LOXL2: variants seen among roughly 807,000 people sequenced by gnomAD.
LOXL2 encodes the protein lysyl oxidase like 2.
A neutral mutation model predicts 93.0 loss-of-function variants in LOXL2; 70 were observed. That is an observed-to-expected ratio of 0.75 (90% CI 0.62 to 0.92). The LOEUF (loss-of-function observed/expected upper bound fraction) is 0.92. LOXL2 is among the 40% of genes least tolerant of loss of function. The probability of loss-of-function intolerance (pLI) is 0.00; values close to 1 mark genes in which losing one functional copy is unlikely to be tolerated. For missense variants in LOXL2, 973 were observed against 1,054.9 expected, an observed-to-expected ratio of 0.92 and a Z score of 1.08; for synonymous variants, 438 against 413.2, an observed-to-expected ratio of 1.06 and a Z score of -0.73.
intron 3 of LOXL2, among the ~76,000 whole-genome samples, chr8:23,359,235 T>C (rs1804248668): frequency 6.6e-6 from 1 of 152,174 alleles, no homozygotes; most frequent in African/African-American, 2.4e-5. Flanking sequence ...CCAGCAACCC[T>C]ACCTGGTGTC....
At position 23,328,376 on chromosome 8, in the gene LOXL2, C is replaced by A. The variant is rs765975190; in HGVS notation, c.1150+6G>T. The A allele has an allele frequency of 6.2e-7, 1 of 1,613,778 alleles. No individual in the cohort carries two copies. The highest frequency in any genetic ancestry group is 1.1e-5 in the South Asian group (1 of 91,060). On this transcript the variant is annotated splice_donor_region_variant and intron_variant, in intron 6 of 13. Coordinates refer to ENST00000389131, the MANE Select transcript of LOXL2 (RefSeq NM_002318.3). ...AGAGGCCCCCTCTAGCCTCCCCATT[C>A]CTTACCTTGCCCCAGTCGGGAGCCA... is the stretch of plus-strand genomic sequence containing the variant.
chr8:23,323,211 A>G (rs9792290), intron 6 of LOXL2, among the ~76,000 whole-genome samples: 110,222 of 152,148 alleles, frequency 0.72, 40,098 homozygotes, highest in Non-Finnish European at 0.76. Flanking sequence ...AAGGACTAGC[A>G]TGGAAAGGCT....
rs753319524 is a variant in LOXL2 at position 23,368,171 on chromosome 8, C to T, written c.181G>A (p.Ala61Thr). Reference sequence around the variant, plus strand: ...TCGCTGTGCTTCCTCTTCTGCCCAGCCAGGCGCAGCTGAATCTTGGCCACG... The same window carrying T: ...TCGCTGTGCTTCCTCTTCTGCCCAGTCAGGCGCAGCTGAATCTTGGCCACG... ...ANVAKIQLRL[A>T]GQKRKHSEGR... Residue 61 changes from alanine (A) to threonine (T), a missense_variant, in exon 2 of 14, where the codon GCT becomes ACT. Ala to Thr is a moderately conservative substitution (Grantham distance 58). Coordinates refer to ENST00000389131, the MANE Select transcript of LOXL2 (RefSeq NM_002318.3). 36 of 1,613,988 alleles carry T rather than the reference C, an allele frequency of 2.2e-5. No homozygotes were observed. The highest frequency in any genetic ancestry group is 3.0e-5 in the Non-Finnish European group (35 of 1,180,032).
At chr8:23,390,931 G>A (rs1804834327) in intron 1 of LOXL2, among the ~76,000 whole-genome samples, 1 of 152,024 alleles carries the variant, frequency 6.6e-6, no homozygotes, top group South Asian at 2.1e-4. Flanking sequence ...TCACAATCAT[G>A]GTGGAAGGTG....
Position 23,368,145 on chromosome 8 carries a change from C to A in LOXL2, c.207G>T (p.Glu69Asp), listed in dbSNP as rs1455297505. The A allele has an allele frequency of 1.9e-6, 3 of 1,614,122 alleles. No individual in the cohort carries two copies. The change falls in exon 2 of 14, where the codon GAG (glutamate) becomes GAT (aspartate). Residue 69 changes from glutamate (E) to aspartate (D), a missense_variant. By Grantham distance (45) the Glu-to-Asp change is conservative. Coordinates refer to ENST00000389131, the MANE Select transcript of LOXL2 (RefSeq NM_002318.3). ...CATCATAGTACACCTCCACCCGGCC[C>A]TCGCTGTGCTTCCTCTTCTGCCCAG... is the stretch of plus-strand genomic sequence containing the variant. ...RLAGQKRKHS[E>D]GRVEVYYDGQ...
chr8:23,316,310 C>G (rs186885273), intron 9 of LOXL2, among the ~76,000 whole-genome samples: 1 of 152,302 alleles, frequency 6.6e-6, no homozygotes, highest in East Asian at 1.9e-4. Flanking sequence ...AGTTCTCTGG[C>G]CAGCACCTGG....
At chr8:23,395,420 T>C (rs1278194759) in intron 1 of LOXL2, among the ~76,000 whole-genome samples, 1 of 151,832 alleles carries the variant, frequency 6.6e-6, no homozygotes, top group African/African-American at 2.4e-5. Context: ...TGTTTAAGGC[T>C]GGGAGGATAG....
At chr8:23,355,317 C>CA (rs1294522958) in intron 3 of LOXL2, among the ~76,000 whole-genome samples, 2 of 151,716 alleles carry the variant, frequency 1.3e-5, no homozygotes. Context: ...CCATCTCCCC[C>CA]CATATCTCTT....
Position 23,368,123 on chromosome 8 carries a change from C to G in LOXL2, c.229G>C (p.Asp77His), listed in dbSNP as rs778870446. The change falls in exon 2 of 14, where the codon GAT (aspartate) becomes CAT (histidine). Residue 77 changes from aspartate to histidine, a missense_variant. By Grantham distance (81) the Asp-to-His change is moderately conservative. Coordinates refer to ENST00000389131, the MANE Select transcript of LOXL2 (RefSeq NM_002318.3). ...HSEGRVEVYY[D>H]GQWGTVCDDD... ...TCGCACACGGTGCCCCACTGGCCATCATAGTACACCTCCACCCGGCCCTCG... is the reference window on the plus strand; with the variant it reads ...TCGCACACGGTGCCCCACTGGCCATGATAGTACACCTCCACCCGGCCCTCG... 7 of 1,614,150 alleles carry G rather than the reference C, an allele frequency of 4.3e-6. No individual in the cohort carries two copies. Among genetic ancestry groups the G allele is most frequent in the Middle Eastern group, 1.6e-4 (1 of 6,062 alleles).
At chr8:23,397,228 T>C (rs1800102271) in intron 1 of LOXL2, among the ~76,000 whole-genome samples, 1 of 152,144 alleles carries the variant, frequency 6.6e-6, no homozygotes, top group Non-Finnish European at 1.5e-5. Flanking sequence ...TAGTGTTCAA[T>C]GGGTACAGAG....
rs1187238132 is a variant in LOXL2 at position 23,298,885 on chromosome 8, G to A, written c.2196C>T (p.Cys732=). 6.2e-7 allele frequency: 1 copy of A among 1,613,890 alleles called. No individual in the cohort carries two copies. The highest frequency in any genetic ancestry group is 1.3e-5 in the African/African-American group (1 of 74,914). Residue 732 remains cysteine (C), a synonymous_variant, in exon 13 of 14, where the codon TGC becomes TGT. Transcript: ENST00000389131. ...TGCGGTGGCCGTCATAGCGGCTCCT[G>A]CATTTCATGATGTTGTTGGAGTAAT... The part of the protein sequence containing the change: ...ESDYSNNIMK[C]RSRYDGHRIW...
intron 4 of LOXL2, chr8:23,337,373 G>C (rs550311571): frequency 6.6e-6 from 1 of 152,358 alleles, no homozygotes; most frequent in African/African-American, 2.4e-5. Flanking sequence ...GGAGGCTGGA[G>C]CTCCTTTCAT....
At position 23,297,186 on chromosome 8, in the gene LOXL2, A is replaced by T. The variant is rs1304334379; in HGVS notation, c.*857T>A. The T allele has an allele frequency of 1.3e-5, 2 of 152,212 alleles. No homozygotes were observed. Among genetic ancestry groups the T allele is most frequent in the Non-Finnish European group, 2.9e-5 (2 of 68,044 alleles). 9.4% of individuals were successfully genotyped at this position (152,212 alleles called of 1,614,324 possible). ...CAAAGGAAACACAGACACGTTTCAT[A>T]AATCTTTCTTTTATTCCAAGTTTCA... On this transcript the variant is annotated 3_prime_UTR_variant, in exon 14 of 14. Transcript: ENST00000389131.
At chr8:23,306,573 G>C in intron 10 of LOXL2, among the ~76,000 whole-genome samples, 1 of 152,246 alleles carries the variant, frequency 6.6e-6, no homozygotes, top group South Asian at 2.1e-4. Flanking sequence ...CGTCACATCT[G>C]TGGGCTTTGA....
At chr8:23,340,898 G>A (rs1242537411) in intron 4 of LOXL2, 94 bp downstream of exon 4, 2 of 1,198,224 alleles carry the variant, frequency 1.7e-6, no homozygotes, top group East Asian at 2.4e-5. Flanking sequence ...GGCCATGCCT[G>A]GCCAAGGAAA....
At chr8:23,315,098 G>A (rs568942532) in intron 9 of LOXL2, among the ~76,000 whole-genome samples, 12 of 152,298 alleles carry the variant, frequency 7.9e-5, no homozygotes, top group South Asian at 4.1e-4. Flanking sequence ...GGAAGCCACC[G>A]CAGGGCCACG....
At chr8:23,386,680 G>A (rs1804765594) in intron 1 of LOXL2, among the ~76,000 whole-genome samples, 1 of 114,196 alleles carries the variant, frequency 8.8e-6, no homozygotes, top group Non-Finnish European at 2.2e-5. Context: ...CTCCAAGGGT[G>A]TCTCAACATT....
intron 13 of LOXL2, 147 bp from the exon 14 acceptor site, chr8:23,298,269 C>T (rs1037426163): frequency 1.1e-5 from 7 of 626,288 alleles, no homozygotes; most frequent in Non-Finnish European, 2.0e-5. Flanking sequence ...CACTGGCCAT[C>T]TCTAGGGCTG....
At chr8:23,323,743 C>G (rs1803535645) in intron 6 of LOXL2, among the ~76,000 whole-genome samples, 1 of 152,004 alleles carries the variant, frequency 6.6e-6, no homozygotes, top group Non-Finnish European at 1.5e-5. Context: ...GCTCTGTTGC[C>G]CAGGCTGGAG....
Sources: gnomAD v4.1 joint callset for allele counts (sites outside exome capture counted in the v4.1 genomes callset) on GRCh38, gnomAD v4.1.1 for gene constraint, MANE v1.5 for transcripts, NCBI Gene and HGNC (gene_info 2026-07-23, HGNC 2026-07-21) for gene names.